Variants in LARP1 observed in about 807,000 individuals in gnomAD.
LARP1 encodes the protein la-related protein 1.
In LARP1, 36 loss-of-function variants were observed where a neutral mutation model predicts 122.7. The observed-to-expected ratio is 0.29, with a 90% CI of 0.22 to 0.39. LARP1 has a LOEUF of 0.39. LARP1 is among the 10% of genes least tolerant of loss of function. The pLI is 1.00. For missense variants in LARP1, 1,040 were observed against 1,403.6 expected, an observed-to-expected ratio of 0.74 and a Z score of 4.14; for synonymous variants, 539 against 528.7, an observed-to-expected ratio of 1.02 and a Z score of -0.27.
chr5:154,773,406 T>C (rs1582364645), intron 1 of LARP1, among the ~76,000 whole-genome samples: 1 of 152,186 alleles, frequency 6.6e-6, no homozygotes, highest in East Asian at 1.9e-4. Flanking sequence ...ACTGTGGCTG[T>C]GAAGGCACAT....
intron 1 of LARP1, among the ~76,000 whole-genome samples, chr5:154,777,695 C>G (rs1446595791): frequency 6.6e-6 from 1 of 152,056 alleles, no homozygotes; most frequent in Admixed American, 6.6e-5. Context: ...CAAAGTGTAA[C>G]TGAATTGTTT....
chr5:154,690,582 C>T (rs949215797), intron 1 of LARP1, among the ~76,000 whole-genome samples: 1 of 152,222 alleles, frequency 6.6e-6, no homozygotes, highest in African/African-American at 2.4e-5. Flanking sequence ...ACTCGGTCCG[C>T]CCGGCCCCAG....
chr5:154,713,961 A>C (rs1053721727), intron 1 of LARP1, among the ~76,000 whole-genome samples: 1 of 152,214 alleles, frequency 6.6e-6, no homozygotes, highest in African/African-American at 2.4e-5. Context: ...GAGGCCAGGA[A>C]TATATGGTAG....
chr5:154,683,696 C>A (rs2113165010), intron 1 of LARP1, among the ~76,000 whole-genome samples: 1 of 152,302 alleles, frequency 6.6e-6, no homozygotes, highest in East Asian at 1.9e-4. Context: ...TAGGGCATTT[C>A]CCAAAGTCAC....
intron 1 of LARP1, among the ~76,000 whole-genome samples, chr5:154,688,432 G>A (rs1754037924): frequency 1.3e-5 from 2 of 151,904 alleles, no homozygotes; most frequent in African/African-American, 2.4e-5. Context: ...GGCAGATCAC[G>A]TGAGGCCAAG....
chr5:154,756,017 C>G lies in LARP1; in HGVS notation c.260C>G (p.Pro87Arg), dbSNP rs1753851158. ...RPLQLPGAEG[P>R]AISDGEEGGG... ...CTGCAGCTGCCCGGCGCCGAAGGCC[C>G]GGCCATCAGCGACGGGGAGGAGGGC... is the stretch of plus-strand genomic sequence containing the variant. The change falls in exon 1 of 19, where the codon CCG becomes CGG. Residue 87 changes from proline to arginine, a missense_variant. Around this residue, in one of 8 missense-constraint regions of LARP1, gnomAD observed 257 missense variants for 273.3 expected, o/e 0.94. Transcript: ENST00000518297. 2 of 1,031,704 alleles carry G rather than the reference C, an allele frequency of 1.9e-6. No homozygotes were observed. Among genetic ancestry groups the G allele is most frequent in the South Asian group, 3.3e-5 (1 of 30,150 alleles). 63.9% of individuals were successfully genotyped at this position (1,031,704 alleles called of 1,614,324 possible).
At chr5:154,722,300 G>T (rs1310953698) in intron 1 of LARP1, among the ~76,000 whole-genome samples, 2 of 152,084 alleles carry the variant, frequency 1.3e-5, no homozygotes, top group African/African-American at 2.4e-5. Flanking sequence ...TTCCCTCCCT[G>T]CCTTTTTCAT....
upstream of LARP1, among the ~76,000 whole-genome samples, chr5:154,711,376 G>A (rs1397731741): frequency 2.0e-5 from 3 of 152,070 alleles, no homozygotes; most frequent in South Asian, 2.1e-4. Flanking sequence ...TCCTGACCTC[G>A]TGATCCGCCC....
At chr5:154,795,998 ATATATATTATATAT>A (rs1453553443) in intron 8 of LARP1, among the ~76,000 whole-genome samples, 1 of 97,232 alleles carries the variant, frequency 1.0e-5, no homozygotes, top group Admixed American at 1.6e-4. Flanking sequence ...ATATATTTTT[ATATATATTATATAT>A]TTATATATTA....
chr5:154,735,421 C>G (rs1210123568), intron 1 of LARP1, among the ~76,000 whole-genome samples: 1 of 151,622 alleles, frequency 6.6e-6, no homozygotes, highest in African/African-American at 2.4e-5. Context: ...CACTCTCCTC[C>G]AAGCCTGGGT....
At chr5:154,697,971 A>T (rs891031629) in intron 1 of LARP1, among the ~76,000 whole-genome samples, 12 of 151,990 alleles carry the variant, frequency 7.9e-5, no homozygotes, top group African/African-American at 2.7e-4. Flanking sequence ...GACTGCAGTC[A>T]TGTACCACTA....
chr5:154,737,632 G>A (rs1450002022), intron 1 of LARP1, among the ~76,000 whole-genome samples: 3 of 151,670 alleles, frequency 2.0e-5, no homozygotes, highest in Non-Finnish European at 1.5e-5. Flanking sequence ...TAGTAGAGAC[G>A]GGATTTCACC....
upstream of LARP1, chr5:154,712,764 C>G: frequency 1.6e-6 from 1 of 632,216 alleles, no homozygotes; most frequent in Non-Finnish European, 2.8e-6. Context: ...CCTTGCTCGG[C>G]CAATGAGCTG....
At chr5:154,723,419 C>A (rs912552172) in intron 1 of LARP1, among the ~76,000 whole-genome samples, 1 of 152,110 alleles carries the variant, frequency 6.6e-6, no homozygotes, top group Non-Finnish European at 1.5e-5. Context: ...AAGTTTAGCC[C>A]CACGGGTATC....
intron 14 of LARP1, chr5:154,804,996 G>A (rs1483436704): frequency 2.3e-6 from 1 of 444,320 alleles, no homozygotes; most frequent in African/African-American, 2.0e-5. Flanking sequence ...AAAGCCTACT[G>A]TTAACCAGAA....
chr5:154,750,352 C>A (rs1373481882), intron 1 of LARP1, among the ~76,000 whole-genome samples: 1 of 152,090 alleles, frequency 6.6e-6, no homozygotes, highest in Non-Finnish European at 1.5e-5. Context: ...TCACTGCAGT[C>A]TCAACTTCCC....
At position 154,702,540 on chromosome 5, in the gene LARP1, G is replaced by T. The variant is rs555161604; in HGVS notation, c.-180+19503G>T. 4.7e-5 allele frequency among the ~76,000 whole-genome samples: 7 copies of T among 148,666 alleles called. No homozygotes were observed. The East Asian group carries it at 1.4e-3, about 30-fold the overall frequency. On this transcript the variant is annotated intron_variant, in intron 1 of 18. Coordinates refer to the LARP1 transcript ENST00000687700. Reference sequence around the variant, plus strand: ...CATTGCACTCCAGCCTGGGCAACACGAACGAAACTCCATCTCCAAAAAAAA... The same window carrying T: ...CATTGCACTCCAGCCTGGGCAACACTAACGAAACTCCATCTCCAAAAAAAA...
At chr5:154,805,819 C>T (rs1758730167) in intron 14 of LARP1, 62 bp from the exon 15 acceptor site, 2 of 1,567,066 alleles carry the variant, frequency 1.3e-6, no homozygotes, top group Admixed American at 1.8e-5. Context: ...AGAGGGACCC[C>T]TCCTGACATG....
At chr5:154,713,237 G>A (rs1582183520) in intron 1 of LARP1, 5 of 884,158 alleles carry the variant, frequency 5.7e-6, no homozygotes, top group South Asian at 3.4e-5. Flanking sequence ...CAGCCCTGCT[G>A]TGTGACCCTG....
Sources: allele counts gnomAD v4.1 joint callset (sites outside exome capture counted in the v4.1 genomes callset), GRCh38; gene constraint gnomAD v4.1.1; regional missense constraint gnomAD v4.1.1; transcripts MANE v1.5; gene names NCBI Gene and HGNC (gene_info 2026-07-23, HGNC 2026-07-21).